The following MALRD1 variants were observed in gnomAD, a reference collection of about 807,000 sequenced individuals.
The protein encoded by MALRD1 is MAM and LDL receptor class A domain containing 1.
Under a neutral mutation model 242.1 loss-of-function variants are expected in MALRD1, and 247 were observed. The observed-to-expected ratio is 1.02, with a 90% CI of 0.92 to 1.13. The LOEUF (loss-of-function observed/expected upper bound fraction) is 1.13. MALRD1 is among the 50% of genes most tolerant of loss of function. The pLI, the probability that MALRD1 is intolerant of heterozygous loss-of-function variation, is 0.00. For missense variants in MALRD1, 2,989 were observed against 2,533.1 expected, an observed-to-expected ratio of 1.18 and a Z score of -3.86; for synonymous variants, 995 against 866.6, an observed-to-expected ratio of 1.15 and a Z score of -2.60.
chr10:19,065,287 C>CAAAA (rs1197670439), intron 1 of MALRD1, among the ~76,000 whole-genome samples: 13,019 of 50,318 alleles, frequency 0.26, 1,895 homozygotes, highest in Non-Finnish European at 0.34. Flanking sequence ...AACGCTGTCT[C>CAAAA]AAAAAAAAAA....
chr10:19,245,575 T>C (rs1180978115), intron 18 of MALRD1, among the ~76,000 whole-genome samples: 2 of 152,172 alleles, frequency 1.3e-5, no homozygotes, highest in Non-Finnish European at 2.9e-5. Flanking sequence ...AATTATAAAA[T>C]ATCTCAGTTA....
chr10:19,285,193 T>G lies in MALRD1; in HGVS notation c.3419+2012T>G, dbSNP rs201722814. Among the ~76,000 whole-genome samples, 33 of 144,376 alleles carry G rather than the reference T, an allele frequency of 2.3e-4. No homozygotes were observed. In the East Asian group the frequency reaches 4.9e-3, roughly 21 times the overall value. The allele number at this position is 144,376 out of a possible 152,430, so 94.7% of individuals were successfully genotyped here. On this transcript the variant is annotated intron_variant, in intron 21 of 39. Coordinates refer to ENST00000454679, the MANE Select transcript of MALRD1 (RefSeq NM_001142308.3). ...GTAGGTTGCGAAAATTTTCTCCCAT[T>G]TTGTAGGTTTCCTGTTCACTCTGAT...
chr10:19,125,322 C>CTTTCT lies in MALRD1; in HGVS notation c.943+654_943+655insTCTTT, dbSNP rs34141625. ...CCTTCCTTCCTTCCTTCCTTCCTTC[C>CTTTCT]TTCTTTCTTTCTTTCTTTCTTTCTT... On this transcript the variant is annotated intron_variant, in intron 7 of 39. Transcript: ENST00000454679. Among the ~76,000 whole-genome samples, 179 of 63,718 alleles carry CTTTCT rather than the reference C, an allele frequency of 2.8e-3. 5 individuals are homozygous for CTTTCT. The highest frequency in any genetic ancestry group is 3.6e-3 in the Non-Finnish European group (108 of 29,596). The allele number at this position is 63,718 out of a possible 152,430, so 41.8% of individuals were successfully genotyped here. A position where few individuals can be genotyped will look rare whatever the true frequency, so the allele number is the denominator to read the frequency against.
intron 7 of MALRD1, among the ~76,000 whole-genome samples, chr10:19,127,207 C>G (rs1327751595): frequency 6.6e-6 from 1 of 152,126 alleles, no homozygotes; most frequent in Non-Finnish European, 1.5e-5. Context: ...GAATAGTGTA[C>G]AGACTATTTT....
chr10:19,345,663 G>GA (rs1844082672), intron 24 of MALRD1, among the ~76,000 whole-genome samples: 2 of 151,992 alleles, frequency 1.3e-5, no homozygotes, highest in Non-Finnish European at 2.9e-5. Context: ...AATTATGACA[G>GA]AAAATGTATC....
intron 28 of MALRD1, among the ~76,000 whole-genome samples, chr10:19,414,047 C>CAA: frequency 7.2e-6 from 1 of 138,318 alleles, no homozygotes; most frequent in East Asian, 2.1e-4. Flanking sequence ...TTCCAAAAAA[C>CAA]AAAAAAAAAA....
At chr10:19,528,334 C>G (rs1272881541) in intron 31 of MALRD1, among the ~76,000 whole-genome samples, 1 of 152,178 alleles carries the variant, frequency 6.6e-6, no homozygotes, top group Non-Finnish European at 1.5e-5. Context: ...GTGACTCAAG[C>G]CTGTAATCCC....
intron 26 of MALRD1, among the ~76,000 whole-genome samples, chr10:19,381,743 G>A (rs971230157): frequency 3.3e-5 from 5 of 152,012 alleles, no homozygotes; most frequent in African/African-American, 1.2e-4. Context: ...GGAGGCTGAG[G>A]CAGGAGAATT....
intron 8 of MALRD1, among the ~76,000 whole-genome samples, chr10:19,129,011 A>G (rs1235358693): frequency 6.6e-6 from 1 of 152,056 alleles, no homozygotes; most frequent in Non-Finnish European, 1.5e-5. Context: ...CGCACTCAGC[A>G]CTCCCAATAT....
chr10:19,314,064 T>A (rs989371798), intron 21 of MALRD1, among the ~76,000 whole-genome samples: 9 of 151,596 alleles, frequency 5.9e-5, no homozygotes, highest in Non-Finnish European at 7.4e-5. Context: ...GAATCCTCTG[T>A]CAGTTTTATT....
At chr10:19,449,137 A>G (rs911114044) in intron 28 of MALRD1, among the ~76,000 whole-genome samples, 1 of 152,134 alleles carries the variant, frequency 6.6e-6, no homozygotes, top group Non-Finnish European at 1.5e-5. Context: ...GGAAAGGTAG[A>G]TTTTACTGAG....
chr10:19,151,770 A>G lies in MALRD1; in HGVS notation c.1559-3305A>G, dbSNP rs116800493. 6.7e-3 allele frequency among the ~76,000 whole-genome samples: 1,017 copies of G among 152,298 alleles called. 9 individuals are homozygous for G. The highest frequency in any genetic ancestry group is 0.023 in the African/African-American group (970 of 41,566). On this transcript the variant is annotated intron_variant, in intron 11 of 39. Coordinates refer to ENST00000454679, the MANE Select transcript of MALRD1 (RefSeq NM_001142308.3). ...AAGTTTTCAGTATTTTTCAGCATCTATTATGATATGATTGTCAGATTATCT... is the reference window on the plus strand; with the variant it reads ...AAGTTTTCAGTATTTTTCAGCATCTGTTATGATATGATTGTCAGATTATCT...
At chr10:19,522,117 G>A (rs3852470) in intron 31 of MALRD1, among the ~76,000 whole-genome samples, 38,310 of 141,110 alleles carry the variant, frequency 0.27, 5,943 homozygotes, top group Admixed American at 0.4. Context: ...CTCCTGGTCC[G>A]CCAAATAATC....
Position 19,607,864 on chromosome 10 carries a change from A to T in MALRD1, c.6032A>T (p.Asp2011Val), listed in dbSNP as rs1299031984. Residue 2011 changes from aspartate (D) to valine (V), a missense_variant, in exon 35 of 40, where the codon GAC becomes GTC. Transcript: ENST00000454679. ...CACCAGCGCTGTGATGGTTTTGCCG[A>T]CTGCATGGATTTCCAGCTTGATGAG... Reference protein sequence around the residue: ...PAHQRCDGFADCMDFQLDESS... With the variant: ...PAHQRCDGFAVCMDFQLDESS... 6.5e-7 allele frequency: 1 copy of T among 1,549,748 alleles called. No homozygotes were observed. Among genetic ancestry groups the T allele is most frequent in the African/African-American group, 1.4e-5 (1 of 73,064 alleles).
At chr10:19,055,674 T>C (rs955964997) in intron 1 of MALRD1, among the ~76,000 whole-genome samples, 5 of 152,230 alleles carry the variant, frequency 3.3e-5, no homozygotes, top group Admixed American at 2.6e-4. Flanking sequence ...CCTTTCTCCC[T>C]TGTGTGTTCC....
chr10:19,358,195 AGTGTGTGTGTGTGT>A (rs776862926), intron 26 of MALRD1, among the ~76,000 whole-genome samples: 4 of 145,682 alleles, frequency 2.7e-5, no homozygotes, highest in East Asian at 2.0e-4. Context: ...GCAGGAGTCA[AGTGTGTGTGTGTGT>A]GTGTGTGTGT....
chr10:19,125,320 TC>T (rs1358211255), intron 7 of MALRD1, among the ~76,000 whole-genome samples: 1 of 79,772 alleles, frequency 1.3e-5, no homozygotes, highest in Admixed American at 1.3e-4. Flanking sequence ...CTTCCTTCCT[TC>T]CTTCTTTCTT....
At chr10:19,062,206 A>C (rs549561592) in intron 1 of MALRD1, among the ~76,000 whole-genome samples, 2 of 152,282 alleles carry the variant, frequency 1.3e-5, no homozygotes, top group East Asian at 3.9e-4. Flanking sequence ...ATACAAATAA[A>C]AACCACAATG....
At chr10:19,282,918 C>A in intron 20 of MALRD1, 101 bp from the exon 21 acceptor site, 1 of 800,348 alleles carries the variant, frequency 1.2e-6, no homozygotes, top group Non-Finnish European at 1.8e-6. Context: ...TTAAAAGTTA[C>A]ATTAGAATTA....
Sources: allele counts gnomAD v4.1 joint callset (sites outside exome capture counted in the v4.1 genomes callset), GRCh38; gene constraint gnomAD v4.1.1; transcripts MANE v1.5; gene names NCBI Gene and HGNC (gene_info 2026-07-23, HGNC 2026-07-21).